LCLAT1: variants seen among roughly 807,000 people sequenced by gnomAD.
LCLAT1 encodes the protein lysocardiolipin acyltransferase 1.
LCLAT1 carries 11 observed loss-of-function variants against 30.7 expected under a neutral mutation model. That is an observed-to-expected ratio of 0.36 (90% CI 0.23 to 0.59). LCLAT1 has a LOEUF of 0.59. LCLAT1 is among the 20% of genes least tolerant of loss of function. LCLAT1 has a pLI of 0.77. For missense variants in LCLAT1, 402 were observed against 458.6 expected (o/e 0.88, Z 1.13); for synonymous variants, 155 against 151.3 (o/e 1.02, Z -0.18).
chr2:30,512,904 C>G (rs1158253172), intron 1 of LCLAT1, among the ~76,000 whole-genome samples: 1 of 152,082 alleles, frequency 6.6e-6, no homozygotes, highest in Non-Finnish European at 1.5e-5. Context: ...GTATCCATTT[C>G]TCTGTGTACT....
At chr2:30,474,085 A>G (rs1420000131) in intron 1 of LCLAT1, among the ~76,000 whole-genome samples, 1 of 152,246 alleles carries the variant, frequency 6.6e-6, no homozygotes, top group Non-Finnish European at 1.5e-5. Flanking sequence ...ACTCATAATC[A>G]GGGAAGAAGG....
intron 3 of LCLAT1, among the ~76,000 whole-genome samples, chr2:30,558,597 CAAAAAAAAAA>C (rs36075365): frequency 3.6e-5 from 3 of 83,274 alleles, no homozygotes; most frequent in African/African-American, 1.3e-4. Context: ...GACTTTGTCT[CAAAAAAAAAA>C]AAAAAAAAAA....
At chr2:30,510,260 C>T (rs1684876649) in intron 1 of LCLAT1, among the ~76,000 whole-genome samples, 1 of 152,128 alleles carries the variant, frequency 6.6e-6, no homozygotes, top group Admixed American at 6.5e-5. Flanking sequence ...GCCCATTTTC[C>T]AGTAGCTTCT....
At chr2:30,496,443 G>A (rs1305430543) in intron 1 of LCLAT1, among the ~76,000 whole-genome samples, 1 of 152,178 alleles carries the variant, frequency 6.6e-6, no homozygotes, top group Non-Finnish European at 1.5e-5. Context: ...GTACTGTATA[G>A]GTGGTGGACA....
At chr2:30,496,448 T>TGGACATGC (rs1684122380) in intron 1 of LCLAT1, among the ~76,000 whole-genome samples, 1 of 152,184 alleles carries the variant, frequency 6.6e-6, no homozygotes, top group Admixed American at 6.5e-5. Flanking sequence ...GTATAGGTGG[T>TGGACATGC]GGACATGTGG....
At chr2:30,493,426 A>G (rs1326754773) in intron 1 of LCLAT1, among the ~76,000 whole-genome samples, 2 of 152,238 alleles carry the variant, frequency 1.3e-5, no homozygotes, top group Admixed American at 6.5e-5. Context: ...CTACAAAGTC[A>G]TTTTATTTCA....
intron 5 of LCLAT1, among the ~76,000 whole-genome samples, chr2:30,584,849 A>G (rs150146072): frequency 1.3e-3 from 202 of 152,098 alleles, no homozygotes; most frequent in Middle Eastern, 3.4e-3. Flanking sequence ...GATCTTTCCA[A>G]CAATGTTCCT....
intron 1 of LCLAT1, among the ~76,000 whole-genome samples, chr2:30,512,263 A>T (rs1684971795): frequency 6.6e-6 from 1 of 152,212 alleles, no homozygotes; most frequent in Non-Finnish European, 1.5e-5. Context: ...AAAATAGAAA[A>T]AATTAACCAC....
intron 1 of LCLAT1, among the ~76,000 whole-genome samples, chr2:30,455,317 A>G (rs1160062119): frequency 1.3e-5 from 2 of 152,148 alleles, no homozygotes; most frequent in African/African-American, 4.8e-5. Flanking sequence ...AGATATTTAT[A>G]CTAGCTTCCT....
At chr2:30,505,834 A>T (rs1352251793) in intron 1 of LCLAT1, among the ~76,000 whole-genome samples, 2 of 152,316 alleles carry the variant, frequency 1.3e-5, no homozygotes, top group East Asian at 3.9e-4. Context: ...CAAGATAATT[A>T]TATCAGGGTT....
chr2:30,589,365 A>T (rs1666589065), intron 5 of LCLAT1, among the ~76,000 whole-genome samples: 1 of 152,122 alleles, frequency 6.6e-6, no homozygotes, highest in Non-Finnish European at 1.5e-5. Flanking sequence ...CCATAGCTGG[A>T]TGCTGACTTT....
At chr2:30,454,339 C>T (rs1681715273) in intron 1 of LCLAT1, among the ~76,000 whole-genome samples, 1 of 152,172 alleles carries the variant, frequency 6.6e-6, no homozygotes, top group African/African-American at 2.4e-5. Flanking sequence ...TATAATCATA[C>T]ACATAATGAA....
chr2:30,482,868 C>T (rs933735537), intron 1 of LCLAT1, among the ~76,000 whole-genome samples: 1 of 151,934 alleles, frequency 6.6e-6, no homozygotes, highest in Non-Finnish European at 1.5e-5. Flanking sequence ...GAAGCACCCT[C>T]TCTGGAGTAA....
chr2:30,572,145 ATTGT>A (rs1324623167), intron 5 of LCLAT1, among the ~76,000 whole-genome samples: 1 of 152,130 alleles, frequency 6.6e-6, no homozygotes, highest in Non-Finnish European at 1.5e-5. Context: ...GGGAATTCAT[ATTGT>A]TTCTTTGTTC....
intron 1 of LCLAT1, among the ~76,000 whole-genome samples, chr2:30,506,403 GTGTTTTAAAAT>G (rs1486443887): frequency 6.6e-6 from 1 of 152,024 alleles, no homozygotes; most frequent in African/African-American, 2.4e-5. Flanking sequence ...AATAGAGACA[GTGTTTTAAAAT>G]TAATAAGTAA....
At chr2:30,586,632 A>T (rs1443184297) in intron 5 of LCLAT1, among the ~76,000 whole-genome samples, 8 of 152,198 alleles carry the variant, frequency 5.3e-5, no homozygotes, top group Admixed American at 3.9e-4. Context: ...TCAACACAGT[A>T]CGGTTGCTGA....
intron 1 of LCLAT1, among the ~76,000 whole-genome samples, chr2:30,487,791 A>T: frequency 6.6e-6 from 1 of 152,000 alleles, no homozygotes; most frequent in Non-Finnish European, 1.5e-5. Context: ...CTGAACCAGG[A>T]GTTGAAGTGT....
chr2:30,463,007 G>A (rs995270086), intron 1 of LCLAT1, among the ~76,000 whole-genome samples: 2 of 152,128 alleles, frequency 1.3e-5, no homozygotes, highest in African/African-American at 4.8e-5. Flanking sequence ...CTACTTGGGA[G>A]TGCCAGCTAC....
At chr2:30,588,986 A>C (rs1340750911) in intron 5 of LCLAT1, among the ~76,000 whole-genome samples, 2 of 152,160 alleles carry the variant, frequency 1.3e-5, no homozygotes, top group Non-Finnish European at 2.9e-5. Context: ...AAAACTTCAA[A>C]GGTTATTGAA....
Sources: gnomAD v4.1 joint callset for allele counts (sites outside exome capture counted in the v4.1 genomes callset) on GRCh38, gnomAD v4.1.1 for gene constraint, MANE v1.5 for transcripts, NCBI Gene and HGNC (gene_info 2026-07-23, HGNC 2026-07-21) for gene names.